TENM1: variants seen among roughly 807,000 people sequenced by gnomAD.
The protein encoded by TENM1 is teneurin-1.
In TENM1, 35 loss-of-function variants were observed where a neutral mutation model predicts 174.8. The ratio of observed to expected loss-of-function variants is 0.20; its 90% confidence interval spans 0.15 to 0.27. The LOEUF is 0.27. TENM1 is among the 10% of genes least tolerant of loss of function. TENM1 has a pLI of 1.00. For missense variants in TENM1, 1,633 were observed against 2,130.1 expected (o/e 0.77, Z 4.59); for synonymous variants, 781 against 798.7 (o/e 0.98, Z 0.37).
chrX:125,068,270 GA>G, the TENM1 span, among the ~76,000 whole-genome samples: 1 of 111,097 alleles, frequency 9.0e-6, no homozygotes, highest in South Asian at 3.7e-4. Flanking sequence ...ATGAGATATG[GA>G]AAAAAATCCA....
intron 4 of TENM1, among the ~76,000 whole-genome samples, chrX:124,719,764 C>T (rs1033567452): frequency 2.7e-5 from 3 of 112,024 alleles, no homozygotes; most frequent in African/African-American, 6.5e-5. Flanking sequence ...ACTCTGCTGA[C>T]CTCTAAATAT....
chrX:125,006,720 C>T, the TENM1 span, among the ~76,000 whole-genome samples: 3 of 111,394 alleles, frequency 2.7e-5, no homozygotes, highest in African/African-American at 9.8e-5. Context: ...AATAGCCAGA[C>T]GAACAGGGTC....
At chrX:124,392,115 A>C (rs1314463010) in exon 28 of TENM1, 2 of 1,209,875 alleles carry the variant, frequency 1.7e-6, no homozygotes, top group Non-Finnish European at 2.2e-6. Context: ...TAATTTTCCC[A>C]CTCTGGTCAT....
chrX:125,105,857 C>A, the TENM1 span, among the ~76,000 whole-genome samples: 1 of 111,970 alleles, frequency 8.9e-6, no homozygotes, highest in Non-Finnish European at 1.9e-5. Context: ...ACAGGGACTT[C>A]CCACTTTCCT....
chrX:125,179,718 A>G, the TENM1 span, among the ~76,000 whole-genome samples: 15 of 110,670 alleles, frequency 1.4e-4, no homozygotes, highest in South Asian at 6.0e-3. Context: ...CTTGTTAGAG[A>G]GGCAAAATCT....
chrX:124,863,681 T>C (rs1202053587), intron 3 of TENM1, among the ~76,000 whole-genome samples: 2 of 112,439 alleles, frequency 1.8e-5, no homozygotes, highest in Admixed American at 1.9e-4. Context: ...TGGACCTTGC[T>C]GACCTGAAGG....
chrX:124,925,808 C>T (rs1218758767), intron 1 of TENM1, among the ~76,000 whole-genome samples: 1 of 111,433 alleles, frequency 9.0e-6, no homozygotes, highest in African/African-American at 3.3e-5. Context: ...TTACATGGGC[C>T]AGGTAAATAA....
intron 3 of TENM1, among the ~76,000 whole-genome samples, chrX:124,824,906 T>G (rs1448285304): frequency 9.0e-6 from 1 of 111,020 alleles, no homozygotes; most frequent in Non-Finnish European, 1.9e-5. Context: ...TTGGCCAACT[T>G]GAGGATTTCC....
chrX:124,476,950 A>G (rs1486572988), intron 22 of TENM1, among the ~76,000 whole-genome samples: 1 of 112,410 alleles, frequency 8.9e-6, no homozygotes, highest in East Asian at 2.8e-4. Context: ...GTCCCATTAC[A>G]TTGAAGTATT....
intron 23 of TENM1, among the ~76,000 whole-genome samples, chrX:124,439,255 T>G (rs923927963): frequency 1.7e-4 from 19 of 112,217 alleles, no homozygotes; most frequent in South Asian, 3.7e-4. Context: ...ATTTATTTTT[T>G]TGTGTGTGTG....
chrX:124,589,551 T>C (rs1217743809), intron 11 of TENM1, among the ~76,000 whole-genome samples: 3 of 110,844 alleles, frequency 2.7e-5, no homozygotes. Flanking sequence ...TGTTTGGGGC[T>C]CTTCTGGTTG....
At chrX:124,990,609 T>G in the TENM1 span, among the ~76,000 whole-genome samples, 2 of 112,666 alleles carry the variant, frequency 1.8e-5, no homozygotes, top group Non-Finnish European at 3.8e-5. Context: ...GGACACTGAT[T>G]CTGGCTTTCT....
intron 3 of TENM1, among the ~76,000 whole-genome samples, chrX:124,750,910 T>C (rs2054047548): frequency 8.9e-6 from 1 of 112,549 alleles, no homozygotes; most frequent in Non-Finnish European, 1.9e-5. Context: ...TATAATGAAA[T>C]CTATGTAGTG....
At chrX:124,638,529 C>T (rs571601668) in intron 11 of TENM1, among the ~76,000 whole-genome samples, 1 of 111,035 alleles carries the variant, frequency 9.0e-6, no homozygotes, top group African/African-American at 3.3e-5. Flanking sequence ...AAGCTTTTGA[C>T]TCACTGTAAA....
In TENM1 at chrX:124,833,937, G is replaced by A. The variant is rs1032455288; in HGVS notation, c.535+60359C>T. ...ATAACTTGCTAAAGCCACAGAGATA[G>A]ATAGTAAATGGTATTGCTGGTGAGA... On this transcript the variant is annotated intron_variant, in intron 3 of 31. Transcript: ENST00000422452. 2.7e-5 allele frequency among the ~76,000 whole-genome samples: 3 copies of A among 110,887 alleles called. No homozygotes were observed. The Admixed American group carries it at 2.9e-4, about 11-fold the overall frequency.
chrX:125,049,892 T>C, the TENM1 span, among the ~76,000 whole-genome samples: 1 of 110,398 alleles, frequency 9.1e-6, no homozygotes, highest in Admixed American at 9.7e-5. Context: ...TTGTAAGAAT[T>C]CTTTATATAT....
intron 11 of TENM1, among the ~76,000 whole-genome samples, chrX:124,637,142 C>T (rs942915292): frequency 8.6e-5 from 9 of 104,908 alleles, no homozygotes; most frequent in African/African-American, 2.1e-4. Context: ...CAGGCTGGAG[C>T]GCAGTGGCAC....
rs151333491 is a variant in TENM1 at position 124,484,456 on chromosome X, T to C, written c.3717-2492A>G. Among the ~76,000 whole-genome samples, 106 of 112,134 alleles carry C rather than the reference T, an allele frequency of 9.5e-4. 1 individual carries two copies. Among genetic ancestry groups the C allele is most frequent in the African/African-American group, 3.2e-3 (100 of 30,953 alleles). ...AGGGTGGAGTATCTACATAAATTAT[T>C]TGGAATTCTTCTAAATGGGAGCTTT... On this transcript the variant is annotated intron_variant, in intron 21 of 31. Transcript: ENST00000422452.
At chrX:124,401,116 C>T (rs1029632466) in intron 27 of TENM1, among the ~76,000 whole-genome samples, 1 of 111,422 alleles carries the variant, frequency 9.0e-6, no homozygotes, top group Non-Finnish European at 1.9e-5. Context: ...TAAAAAGGAT[C>T]CTGACGTTGC....
Sources: gnomAD v4.1 joint callset for allele counts (sites outside exome capture counted in the v4.1 genomes callset) on GRCh38, gnomAD v4.1.1 for gene constraint, MANE v1.5 for transcripts, NCBI Gene and HGNC (gene_info 2026-07-23, HGNC 2026-07-21) for gene names.